The following MLLT10 variants were observed in gnomAD, a reference collection of about 807,000 sequenced individuals.
MLLT10 encodes the protein MLLT10 histone lysine methyltransferase DOT1L cofactor.
A neutral mutation model predicts 129.1 loss-of-function variants in MLLT10; 30 were observed. The ratio of observed to expected loss-of-function variants is 0.23; its 90% CI spans 0.17 to 0.32. The LOEUF (loss-of-function observed/expected upper bound fraction) is 0.32, where lower values mean the gene tolerates loss of function less well. MLLT10 is among the 10% of genes least tolerant of loss of function. The pLI, the probability that MLLT10 is intolerant of heterozygous loss-of-function variation, is 1.00. For synonymous variants in MLLT10, 490 were observed against 446.4 expected, an observed-to-expected ratio of 1.10 and a Z score of -1.23; for missense variants, 1,119 against 1,268.3, an observed-to-expected ratio of 0.88 and a Z score of 1.79.
At chr10:21,644,916 C>T (rs965437015) in intron 8 of MLLT10, among the ~76,000 whole-genome samples, 4 of 152,138 alleles carry the variant, frequency 2.6e-5, no homozygotes, top group Non-Finnish European at 5.9e-5. Context: ...CAGGGGAGAG[C>T]CACTGCACCG....
At chr10:21,544,523 G>C (rs370762663) in intron 3 of MLLT10, among the ~76,000 whole-genome samples, 1 of 152,132 alleles carries the variant, frequency 6.6e-6, no homozygotes, top group East Asian at 1.9e-4. Flanking sequence ...ATTCAGAAAA[G>C]TAAAGGAGCA....
chr10:21,610,817 G>A (rs2044536528), intron 5 of MLLT10, among the ~76,000 whole-genome samples: 1 of 151,230 alleles, frequency 6.6e-6, no homozygotes, highest in Non-Finnish European at 1.5e-5. Flanking sequence ...ATCATTTGTA[G>A]GCAAAAATGC....
At chr10:21,601,883 C>T (rs991147032) in intron 5 of MLLT10, among the ~76,000 whole-genome samples, 5 of 152,064 alleles carry the variant, frequency 3.3e-5, no homozygotes, top group African/African-American at 9.7e-5. Context: ...ATTTATTTGG[C>T]TTCTGGAGTA....
chr10:21,719,397 G>T (rs953655361), intron 14 of MLLT10, among the ~76,000 whole-genome samples: 1 of 152,118 alleles, frequency 6.6e-6, no homozygotes, highest in African/African-American at 2.4e-5. Flanking sequence ...AACATCTCTT[G>T]TTACCAGATG....
intron 14 of MLLT10, among the ~76,000 whole-genome samples, chr10:21,716,069 C>T (rs1298566393): frequency 6.6e-6 from 1 of 152,206 alleles, no homozygotes; most frequent in African/African-American, 2.4e-5. Flanking sequence ...TGAACTACTT[C>T]AATTTAGCTG....
At chr10:21,542,629 G>T (rs2035380643) in intron 3 of MLLT10, among the ~76,000 whole-genome samples, 1 of 152,190 alleles carries the variant, frequency 6.6e-6, no homozygotes, top group Admixed American at 6.6e-5. Flanking sequence ...TAATCCCAGT[G>T]CTTTGAGAGG....
intron 3 of MLLT10, among the ~76,000 whole-genome samples, chr10:21,576,818 A>G (rs1371753714): frequency 6.6e-6 from 1 of 151,938 alleles, no homozygotes; most frequent in African/African-American, 2.4e-5. Context: ...TTTAGTAGAA[A>G]TGGGGTTTCT....
chr10:21,667,109 A>G (rs1185110355), intron 9 of MLLT10, among the ~76,000 whole-genome samples: 1 of 152,118 alleles, frequency 6.6e-6, no homozygotes, highest in African/African-American at 2.4e-5. Context: ...GTGGAATTCT[A>G]AGTTGACAGT....
chr10:21,724,831 G>C (rs950327630), intron 14 of MLLT10, among the ~76,000 whole-genome samples: 1 of 152,180 alleles, frequency 6.6e-6, no homozygotes, highest in East Asian at 1.9e-4. Flanking sequence ...AGCTTCATCT[G>C]TTTAAGGGTT....
intron 13 of MLLT10, among the ~76,000 whole-genome samples, chr10:21,704,691 A>G (rs1564682651): frequency 6.7e-6 from 1 of 149,622 alleles, no homozygotes; most frequent in Non-Finnish European, 1.5e-5. Context: ...GCTTCTCCCA[A>G]TTTTTTTGAA....
intron 4 of MLLT10, among the ~76,000 whole-genome samples, chr10:21,589,521 A>C (rs1348288032): frequency 6.6e-6 from 1 of 151,878 alleles, no homozygotes; most frequent in Non-Finnish European, 1.5e-5. Flanking sequence ...AATATTTCCT[A>C]TTCTGGTTTG....
At chr10:21,612,643 A>G (rs1364614197) in intron 6 of MLLT10, among the ~76,000 whole-genome samples, 192 bp downstream of exon 6, 1 of 152,234 alleles carries the variant, frequency 6.6e-6, no homozygotes, top group African/African-American at 2.4e-5. Context: ...TGATTTTGCA[A>G]TAAGTGGACT....
At chr10:21,672,984 A>G (rs2051631392) in intron 10 of MLLT10, among the ~76,000 whole-genome samples, 1 of 152,162 alleles carries the variant, frequency 6.6e-6, no homozygotes, top group Non-Finnish European at 1.5e-5. Context: ...AAAGGAGACT[A>G]CTGTTCTGTA....
intron 9 of MLLT10, among the ~76,000 whole-genome samples, chr10:21,658,883 G>T (rs985859287): frequency 1.3e-5 from 2 of 152,088 alleles, no homozygotes; most frequent in Non-Finnish European, 2.9e-5. Context: ...AGCTAGGATG[G>T]TCTCAATCTC....
At chr10:21,633,071 A>G (rs2047148144) in intron 8 of MLLT10, among the ~76,000 whole-genome samples, 1 of 152,248 alleles carries the variant, frequency 6.6e-6, no homozygotes, top group African/African-American at 2.4e-5. Context: ...GCTCATATTT[A>G]GAAACCATGT....
intron 3 of MLLT10, among the ~76,000 whole-genome samples, chr10:21,579,997 GT>G (rs999060881): frequency 5.3e-5 from 8 of 149,624 alleles, no homozygotes; most frequent in Non-Finnish European, 1.0e-4. Context: ...AAAATTCTTT[GT>G]TTTTTTGTTT....
intron 13 of MLLT10, among the ~76,000 whole-genome samples, chr10:21,699,967 G>T (rs796382841): frequency 1.3e-5 from 2 of 152,246 alleles, no homozygotes; most frequent in African/African-American, 4.8e-5. Context: ...TTTTGGCAGT[G>T]TGGTCATTTT....
intron 3 of MLLT10, among the ~76,000 whole-genome samples, chr10:21,579,513 T>G (rs76758945): frequency 2.7e-5 from 4 of 145,630 alleles, no homozygotes; most frequent in South Asian, 4.3e-4. Context: ...GAAGCCCTGG[T>G]TTTTTTTTTT....
At chr10:21,628,576 G>A (rs1001099875) in intron 8 of MLLT10, among the ~76,000 whole-genome samples, 1 of 151,238 alleles carries the variant, frequency 6.6e-6, no homozygotes, top group African/African-American at 2.4e-5. Flanking sequence ...CGAGTAGCTG[G>A]GATTACGGGC....
Sources: allele counts gnomAD v4.1 joint callset (sites outside exome capture counted in the v4.1 genomes callset), GRCh38; gene constraint gnomAD v4.1.1; transcripts MANE v1.5; gene names NCBI Gene and HGNC (gene_info 2026-07-23, HGNC 2026-07-21).